TMEM266: variants seen among roughly 807,000 people sequenced by gnomAD.
TMEM266 encodes the protein Hv1 related protein 1.
A neutral mutation model predicts 50.5 loss-of-function variants in TMEM266; 33 were observed. The ratio of observed to expected loss-of-function variants is 0.65; its 90% CI spans 0.50 to 0.87. The LOEUF (loss-of-function observed/expected upper bound fraction) is 0.87. Among genes scored for constraint, TMEM266 ranks in the 40% least tolerant of loss-of-function variants. The pLI, the probability that TMEM266 is intolerant of heterozygous loss-of-function variation, is 0.00. For synonymous variants in TMEM266, 310 were observed against 292.3 expected (o/e 1.06, Z -0.62); for missense variants, 655 against 695.1 (o/e 0.94, Z 0.65).
chr15:76,102,982 A>G (rs1165768886), intron 1 of TMEM266, among the ~76,000 whole-genome samples: 1 of 151,978 alleles, frequency 6.6e-6, no homozygotes, highest in Non-Finnish European at 1.5e-5. Context: ...CCAGGATAGG[A>G]AGCCATGGGA....
rs1288911821 is a variant in TMEM266, at chr15:76,192,003, G to C, written c.804G>C (p.Gln268His). 3.2e-6 allele frequency: 5 copies of C among 1,583,782 alleles called. No homozygotes were observed. Among genetic ancestry groups the C allele is most frequent in the Non-Finnish European group, 4.3e-6 (5 of 1,169,642 alleles). ...GGCAGCTGCGCGCGCACCTGGCGCA[G>C]CAGGACCTGGACCTGGCTGCCGAGC... Residue 268 changes from glutamine (Q) to histidine (H), a missense_variant, in exon 9 of 11, where the codon CAG becomes CAC. Coordinates refer to ENST00000388942, the MANE Select transcript of TMEM266 (RefSeq NM_152335.3).
intron 1 of TMEM266, among the ~76,000 whole-genome samples, chr15:76,075,476 A>G (rs954032593): frequency 1.1e-4 from 17 of 152,158 alleles, no homozygotes; most frequent in African/African-American, 3.4e-4. Context: ...TTACTTGCCA[A>G]TATGAAGGTC....
chr15:76,190,207 C>T (rs967490467), intron 8 of TMEM266, among the ~76,000 whole-genome samples: 1 of 152,192 alleles, frequency 6.6e-6, no homozygotes, highest in Admixed American at 6.5e-5. Flanking sequence ...GGGGGGCCAC[C>T]GTGTGATCTG....
In TMEM266 at chr15:76,204,305, C is replaced by T; in HGVS notation, c.1586C>T (p.Pro529Leu). ...AAAGAGCAAAAGCTGCACAGGGTCC[C>T]TGAGGCCTAGAGCCTGCCATGGGCT... Residue 529 changes from proline to leucine, a missense_variant, in exon 11 of 11, where the codon CCT (proline) becomes CTT (leucine). Pro to Leu is a moderately conservative substitution (Grantham distance 98). This residue lies in a region of TMEM266 where 455 missense variants were observed against 401.8 expected (regional missense o/e 1.13). Transcript: ENST00000388942. 1 of 1,607,012 alleles carries T rather than the reference C, an allele frequency of 6.2e-7. No homozygotes were observed. Among genetic ancestry groups the T allele is most frequent in the Non-Finnish European group, 8.5e-7 (1 of 1,175,096 alleles).
intron 1 of TMEM266, among the ~76,000 whole-genome samples, chr15:76,100,273 T>C (rs1353512360): frequency 3.3e-5 from 5 of 152,236 alleles, no homozygotes. Context: ...TTTTCTGTTA[T>C]TTTATATACT....
intron 1 of TMEM266, among the ~76,000 whole-genome samples, chr15:76,076,954 T>TTTG (rs778630527): frequency 1.6e-4 from 25 of 151,842 alleles, no homozygotes; most frequent in South Asian, 2.1e-4. Flanking sequence ...TTTTTGTTTG[T>TTTG]TTGTTGTTGT....
rs1292193884 is a variant in TMEM266, at chr15:76,204,151, C to T, written c.1432C>T (p.Leu478=). 1 of 1,613,630 alleles carries T rather than the reference C, an allele frequency of 6.2e-7. No individual in the cohort carries two copies. The highest frequency in any genetic ancestry group is 1.7e-5 in the Admixed American group (1 of 60,032). ...GGGCTCGGCCCAAACCAGCCCCGAG[C>T]TGGAACACAGGGTAAGTCTGTTCAA... The change falls in exon 11 of 11, where the codon CTG becomes TTG. Residue 478 remains leucine (L), a synonymous_variant. Transcript: ENST00000388942.
At chr15:76,086,163 C>G (rs1451033281) in intron 1 of TMEM266, among the ~76,000 whole-genome samples, 1 of 152,030 alleles carries the variant, frequency 6.6e-6, no homozygotes, top group Non-Finnish European at 1.5e-5. Context: ...CTATGGGATA[C>G]CCATACAGTT....
chr15:76,073,233 CTTT>C (rs57465474), intron 1 of TMEM266, among the ~76,000 whole-genome samples: 17 of 135,092 alleles, frequency 1.3e-4, no homozygotes, highest in Admixed American at 1.5e-4. Flanking sequence ...GCCCGGCCTT[CTTT>C]TTTTTTTTTT....
At chr15:76,074,289 G>A (rs2036575225) in intron 1 of TMEM266, among the ~76,000 whole-genome samples, 1 of 151,810 alleles carries the variant, frequency 6.6e-6, no homozygotes, top group African/African-American at 2.4e-5. Flanking sequence ...CACATAACTT[G>A]CAATTTACAG....
At chr15:76,067,525 C>T (rs890299731) in intron 1 of TMEM266, among the ~76,000 whole-genome samples, 18 of 150,740 alleles carry the variant, frequency 1.2e-4, no homozygotes, top group Non-Finnish European at 5.9e-5. Context: ...TGCCTGTACT[C>T]GGGAGGCTGA....
intron 1 of TMEM266, among the ~76,000 whole-genome samples, chr15:76,065,256 T>G (rs1002102439): frequency 1.6e-4 from 24 of 152,214 alleles, no homozygotes; most frequent in African/African-American, 5.3e-4. Context: ...ACTGTCAGTT[T>G]CTATGCAAGG....
chr15:76,160,102 C>T lies in TMEM266; in HGVS notation c.390C>T (p.Ser130=), dbSNP rs761400106. ...TTATCGTGTCCATTGCAGTTTCCAG[C>T]GCATTCCAGTTTGCTGGCGTGATTC... The change falls in exon 5 of 11, where the codon AGC becomes AGT. Residue 130 remains serine, a synonymous_variant. Transcript: ENST00000388942. This position sits in a 1 kb window ranked among gnomAD's most constrained non-coding sequence, Gnocchi z 5.7. The T allele has an allele frequency of 4.1e-5, 66 of 1,614,056 alleles. No individual in the cohort carries two copies. Among genetic ancestry groups the T allele is most frequent in the African/African-American group, 6.7e-5 (5 of 74,936 alleles).
Position 76,134,263 on chromosome 15 carries a change from C to T in TMEM266, c.-1C>T. On this transcript the variant is annotated 5_prime_UTR_variant, in exon 2 of 11. Transcript: ENST00000388942. ...AGCCCCACTAAACACCAAGAAAACC[C>T]ATGGCTGTGGCTCCATCTTTCAACA... The T allele has an allele frequency of 6.2e-7, 1 of 1,614,044 alleles. No homozygotes were observed. The highest frequency in any genetic ancestry group is 1.6e-4 in the Middle Eastern group (1 of 6,062).
At chr15:76,127,144 G>A (rs114218513) in intron 1 of TMEM266, among the ~76,000 whole-genome samples, 1,912 of 152,134 alleles carry the variant, frequency 0.013, 51 homozygotes, top group African/African-American at 0.044. Flanking sequence ...TATATGATGT[G>A]ATCGGTATGT....
chr15:76,198,203 A>G (rs943610464), intron 9 of TMEM266, among the ~76,000 whole-genome samples: 1 of 152,004 alleles, frequency 6.6e-6, no homozygotes, highest in East Asian at 1.9e-4. Context: ...TAAGGGATCT[A>G]CCTAAGGCCA....
intron 1 of TMEM266, among the ~76,000 whole-genome samples, chr15:76,067,417 C>T (rs143154594): frequency 1.0e-3 from 151 of 151,748 alleles, no homozygotes; most frequent in East Asian, 6.2e-3. Context: ...CCAAGGAGGG[C>T]GGATCACCTA....
At chr15:76,154,489 C>A (rs989928512) in intron 3 of TMEM266, among the ~76,000 whole-genome samples, 2 of 152,206 alleles carry the variant, frequency 1.3e-5, no homozygotes, top group African/African-American at 4.8e-5. Flanking sequence ...CCCCACAGAC[C>A]ATTCTCCTCC....
chr15:76,130,406 C>T (rs540248407), intron 1 of TMEM266, among the ~76,000 whole-genome samples: 14 of 151,988 alleles, frequency 9.2e-5, no homozygotes, highest in Admixed American at 1.3e-4. Context: ...CTGGGCATGG[C>T]GGCACACGCC....
Sources: gnomAD v4.1 joint callset for allele counts (sites outside exome capture counted in the v4.1 genomes callset) on GRCh38, gnomAD v4.1.1 for gene constraint, gnomAD v4.1.1 regional missense constraint, Gnocchi (gnomAD v3.1) non-coding constraint, MANE v1.5 for transcripts, NCBI Gene and HGNC (gene_info 2026-07-23, HGNC 2026-07-21) for gene names.